Variants in GPR137C observed in about 807,000 individuals in gnomAD.
GPR137C encodes the protein integral membrane protein GPR137C.
A neutral mutation model predicts 43.4 loss-of-function variants in GPR137C; 27 were observed. That is an observed-to-expected ratio of 0.62 (90% CI 0.46 to 0.86). GPR137C has a LOEUF of 0.86. GPR137C is among the 40% of genes least tolerant of loss of function. The pLI is 0.00. For missense variants in GPR137C, 522 were observed against 534.6 expected (o/e 0.98, Z 0.23); for synonymous variants, 285 against 226.9 (o/e 1.26, Z -2.30).
chr14:52,610,914 C>T (rs1367010700), intron 3 of GPR137C, among the ~76,000 whole-genome samples: 1 of 152,256 alleles, frequency 6.6e-6, no homozygotes, highest in Admixed American at 6.5e-5. Context: ...ATTTACATCA[C>T]CCTGTGTTTA....
chr14:52,568,889 T>G (rs1429966936), intron 1 of GPR137C, among the ~76,000 whole-genome samples: 1 of 152,210 alleles, frequency 6.6e-6, no homozygotes, highest in East Asian at 1.9e-4. Context: ...TAAACATTAC[T>G]GCCTGCCGGC....
intron 2 of GPR137C, 61 bp from the exon 3 acceptor site, chr14:52,600,052 C>A: frequency 9.2e-7 from 1 of 1,082,798 alleles, no homozygotes; most frequent in Non-Finnish European, 1.4e-6. Flanking sequence ...CACACTAATG[C>A]AGAATTAAAT....
intron 1 of GPR137C, among the ~76,000 whole-genome samples, chr14:52,596,623 C>G (rs998074337): frequency 2.6e-5 from 4 of 152,208 alleles, no homozygotes; most frequent in Non-Finnish European, 5.9e-5. Flanking sequence ...GTGGGACCCA[C>G]CAAGCCAGGC....
intron 1 of GPR137C, among the ~76,000 whole-genome samples, chr14:52,581,637 A>G (rs920364577): frequency 6.6e-6 from 1 of 152,210 alleles, no homozygotes; most frequent in African/African-American, 2.4e-5. Context: ...GGCAATAACA[A>G]TGGTAAGCTT....
At chr14:52,621,462 T>C (rs542757405) in intron 3 of GPR137C, among the ~76,000 whole-genome samples, 1 of 151,964 alleles carries the variant, frequency 6.6e-6, no homozygotes, top group African/African-American at 2.4e-5. Context: ...GAATTTCAGC[T>C]CTTCAAGAAG....
Position 52,637,632 on chromosome 14 carries a change from T to C in GPR137C, c.*2517T>C, listed in dbSNP as rs2039367976. Reference sequence around the variant, plus strand: ...CAAACTGGTTGTAAAAGTATAGCTGTGGCCAATGAATGTATTTATTTGTTG... The same window carrying C: ...CAAACTGGTTGTAAAAGTATAGCTGCGGCCAATGAATGTATTTATTTGTTG... On this transcript the variant is annotated 3_prime_UTR_variant, in exon 7 of 7. Transcript: ENST00000321662. 1 of 152,138 alleles carries C rather than the reference T, an allele frequency of 6.6e-6. No individual in the cohort carries two copies. Among genetic ancestry groups the C allele is most frequent in the African/African-American group, 2.4e-5 (1 of 41,450 alleles). 9.4% of individuals were successfully genotyped at this position (152,138 alleles called of 1,614,324 possible).
At chr14:52,556,391 C>CTTTTTTTTTTTTTT (rs76210630) in intron 1 of GPR137C, among the ~76,000 whole-genome samples, 4 of 140,274 alleles carry the variant, frequency 2.9e-5, no homozygotes, top group Non-Finnish European at 4.7e-5. Context: ...CCCCTTTTTT[C>CTTTTTTTTTTTTTT]TTTTTTTTTT....
At chr14:52,609,517 TCA>T (rs1304831883) in intron 3 of GPR137C, among the ~76,000 whole-genome samples, 12 of 152,250 alleles carry the variant, frequency 7.9e-5, no homozygotes, top group African/African-American at 2.9e-4. Context: ...ATTTTAGTTT[TCA>T]CAGTCTGGCT....
rs535317591 is a variant in GPR137C at position 52,587,110 on chromosome 14, G to A, written c.445-11162G>A. ...ACTATCCCACACACCACCACCACAC[G>A]AAAACACTTTCTTTGACCTTAATTC... On this transcript the variant is annotated intron_variant, in intron 1 of 6. Coordinates refer to ENST00000321662, the MANE Select transcript of GPR137C (RefSeq NM_001099652.2). Among the ~76,000 whole-genome samples, 9 of 152,124 alleles carry A rather than the reference G, an allele frequency of 5.9e-5. No homozygotes were observed. The South Asian group carries it at 1.2e-3, about 21-fold the overall frequency.
chr14:52,577,184 A>T (rs1423735653), intron 1 of GPR137C, among the ~76,000 whole-genome samples: 15 of 34,770 alleles, frequency 4.3e-4, no homozygotes, highest in Non-Finnish European at 7.4e-4. Context: ...AAGACTCCTC[A>T]AAAAAAAAAA....
intron 3 of GPR137C, 48 bp from the exon 4 acceptor site, chr14:52,632,112 G>A (rs771799959): frequency 2.7e-5 from 37 of 1,384,702 alleles, no homozygotes; most frequent in East Asian, 1.1e-4. Flanking sequence ...ATAGCTTGTC[G>A]TGACAAATGT....
intron 3 of GPR137C, among the ~76,000 whole-genome samples, chr14:52,624,561 A>C (rs2039198769): frequency 8.1e-6 from 1 of 123,968 alleles, no homozygotes; most frequent in African/African-American, 2.6e-5. Flanking sequence ...TCATCTCTAC[A>C]AAAAATACAA....
intron 3 of GPR137C, chr14:52,612,532 C>G: frequency 3.1e-6 from 3 of 981,042 alleles, no homozygotes; most frequent in Non-Finnish European, 3.6e-6. Flanking sequence ...TTACAGAGCA[C>G]TCACGTATCT....
chr14:52,606,229 T>A (rs1252890722), intron 3 of GPR137C, among the ~76,000 whole-genome samples: 3 of 152,186 alleles, frequency 2.0e-5, no homozygotes, highest in Non-Finnish European at 4.4e-5. Flanking sequence ...TTACTCATTA[T>A]TGATGTATTC....
At chr14:52,573,800 GA>G (rs2038508337) in intron 1 of GPR137C, among the ~76,000 whole-genome samples, 1 of 151,584 alleles carries the variant, frequency 6.6e-6, no homozygotes, top group Non-Finnish European at 1.5e-5. Flanking sequence ...TACAGAATCG[GA>G]GGAAATTGTT....
chr14:52,564,375 G>A lies in GPR137C; in HGVS notation c.444+10784G>A, dbSNP rs144010645. Among the ~76,000 whole-genome samples the A allele has an allele frequency of 2.0e-5, 3 of 151,634 alleles. No homozygotes were observed. The East Asian group carries it at 5.8e-4, about 30-fold the overall frequency. On this transcript the variant is annotated intron_variant, in intron 1 of 6. Transcript: ENST00000321662. ...TATGTATACTACAAGTCACTTCATG[G>A]TTCCAGCCTAATTTCAAACTATGCT...
chr14:52,558,573 C>G (rs1344596534), intron 1 of GPR137C, among the ~76,000 whole-genome samples: 1 of 152,124 alleles, frequency 6.6e-6, no homozygotes, highest in Non-Finnish European at 1.5e-5. Context: ...TGCAAAGCAT[C>G]TGTGGAAGAA....
intron 2 of GPR137C, among the ~76,000 whole-genome samples, chr14:52,599,905 G>A (rs1317268257): frequency 1.3e-5 from 2 of 152,134 alleles, no homozygotes; most frequent in African/African-American, 4.8e-5. Flanking sequence ...ACTTGAAATA[G>A]TGTTAAGATA....
rs567295153 is a variant in GPR137C at position 52,635,723 on chromosome 14, G to A, written c.*608G>A. 7.9e-5 allele frequency: 12 copies of A among 152,184 alleles called. No homozygotes were observed. The South Asian group carries it at 1.2e-3, about 16-fold the overall frequency. 9.4% of individuals were successfully genotyped at this position (152,184 alleles called of 1,614,324 possible). A position where few individuals can be genotyped will look rare whatever the true frequency, so the allele number is the denominator to read the frequency against. ...ATGATGGTAGTAATCCATTAGTTAT[G>A]GCCAGCAGTGTTCTTTGGAGAGCCA... is the stretch of plus-strand genomic sequence containing the variant. On this transcript the variant is annotated 3_prime_UTR_variant, in exon 7 of 7. Transcript: ENST00000321662.
Sources: gnomAD v4.1 joint callset for allele counts (sites outside exome capture counted in the v4.1 genomes callset) on GRCh38, gnomAD v4.1.1 for gene constraint, MANE v1.5 for transcripts, NCBI Gene and HGNC (gene_info 2026-07-23, HGNC 2026-07-21) for gene names.